KDM4C: variants seen among roughly 807,000 people sequenced by gnomAD.
The protein encoded by KDM4C is lysine demethylase 4C, also known as lysine-specific demethylase 4C.
KDM4C carries 81 observed loss-of-function variants against 129.3 expected under a neutral mutation model. The ratio of observed to expected loss-of-function variants is 0.63; its 90% CI spans 0.52 to 0.75. The LOEUF is 0.75. KDM4C is among the 30% of genes least tolerant of loss of function. The pLI is 0.00. For synonymous variants in KDM4C, 573 were observed against 456.1 expected, an observed-to-expected ratio of 1.26 and a Z score of -3.26; for missense variants, 1,457 against 1,304.0, an observed-to-expected ratio of 1.12 and a Z score of -1.81.
chr9:6,802,494 C>G (rs565430379), intron 2 of KDM4C, among the ~76,000 whole-genome samples: 2,302 of 152,140 alleles, frequency 0.015, 68 homozygotes, highest in African/African-American at 0.052. Flanking sequence ...TTTGCAATAG[C>G]CAATAATTAG....
intron 1 of KDM4C, among the ~76,000 whole-genome samples, chr9:6,784,089 A>G (rs143126667): frequency 5.5e-4 from 84 of 152,226 alleles, no homozygotes; most frequent in African/African-American, 1.9e-3. Flanking sequence ...CAAAGCCAGC[A>G]TGCAGATGTT....
chr9:7,013,982 CT>C lies in KDM4C; in HGVS notation c.2164del (p.Cys722AlafsTer39). On this transcript the variant is annotated frameshift_variant, in exon 14 of 22. Coordinates refer to ENST00000381309, the MANE Select transcript of KDM4C (RefSeq NM_015061.6). LOFTEE classifies it high-confidence loss of function. ...GTCTCCTTATTTCCTGTGCAAAGTG[CT>C]GCGTACGGGTTCATGCAAGTAAATG... ...TSLLISCAKC[C>X]VRVHASCYGI... 1 of 1,613,522 alleles carries C rather than the reference CT, an allele frequency of 6.2e-7. No individual in the cohort carries two copies. Among genetic ancestry groups the C allele is most frequent in the Non-Finnish European group, 8.5e-7 (1 of 1,179,642 alleles).
In KDM4C at chr9:6,758,086, C is replaced by T; in HGVS notation, c.-135C>T. ...GGGTCCTGTGCGCGTGCGCAGCGAACAGCTGTCACCTAGTGCGGAACAAGT... is the reference window on the plus strand; with the variant it reads ...GGGTCCTGTGCGCGTGCGCAGCGAATAGCTGTCACCTAGTGCGGAACAAGT... On this transcript the variant is annotated 5_prime_UTR_variant, in exon 1 of 22. Transcript: ENST00000381309. The surrounding 1 kb of genome is among the most constrained non-coding windows in gnomAD (Gnocchi z 4.6). The T allele has an allele frequency of 1.0e-6, 1 of 985,548 alleles. No homozygotes were observed. Among genetic ancestry groups the T allele is most frequent in the South Asian group, 4.7e-5 (1 of 21,288 alleles). The allele number at this position is 985,548 out of a possible 1,614,324, so 61.1% of individuals were successfully genotyped here.
intron 17 of KDM4C, among the ~76,000 whole-genome samples, chr9:7,061,141 C>T (rs1029979697): frequency 2.0e-5 from 3 of 152,168 alleles, no homozygotes; most frequent in Non-Finnish European, 4.4e-5. Flanking sequence ...CGGTCAGTTG[C>T]ACTATACAGA....
chr9:6,833,030 C>G (rs116872502), intron 4 of KDM4C, among the ~76,000 whole-genome samples: 1 of 152,024 alleles, frequency 6.6e-6, no homozygotes, highest in East Asian at 1.9e-4. Context: ...GCCACTGTGC[C>G]TGGTCGTAAA....
chr9:6,987,884 T>C (rs995414762), intron 11 of KDM4C, among the ~76,000 whole-genome samples: 2 of 151,912 alleles, frequency 1.3e-5, no homozygotes, highest in Non-Finnish European at 2.9e-5. Context: ...TGGCCAAATG[T>C]GGTGGCTTAT....
intron 15 of KDM4C, among the ~76,000 whole-genome samples, chr9:7,039,027 T>C (rs1448564278): frequency 1.3e-5 from 2 of 152,036 alleles, no homozygotes; most frequent in African/African-American, 4.8e-5. Context: ...TTTTATTCTT[T>C]ATGATTTTTA....
At chr9:6,876,542 T>G (rs1027334410) in intron 5 of KDM4C, among the ~76,000 whole-genome samples, 35 of 152,220 alleles carry the variant, frequency 2.3e-4, no homozygotes, top group African/African-American at 8.2e-4. Flanking sequence ...TGAAAATATA[T>G]GCACCTTGCT....
Position 6,771,525 on chromosome 9 carries a change from G to A in KDM4C, c.-18+13322G>A, listed in dbSNP as rs768331881. The stretch of plus-strand genomic sequence containing the variant: ...GGGGTTTCTCCATGTTGGTCAGGCC[G>A]GTCTCGAACTCCTGACCTCAGGTTA... On this transcript the variant is annotated intron_variant, in intron 1 of 21. Coordinates refer to ENST00000381309, the MANE Select transcript of KDM4C (RefSeq NM_015061.6). Among the ~76,000 whole-genome samples, 9 of 151,428 alleles carry A rather than the reference G, an allele frequency of 5.9e-5. 1 individual carries two copies. In the East Asian group the frequency reaches 1.2e-3, roughly 20 times the overall value.
At chr9:6,836,278 C>G (rs1225849280) in intron 4 of KDM4C, among the ~76,000 whole-genome samples, 3 of 152,122 alleles carry the variant, frequency 2.0e-5, no homozygotes, top group Admixed American at 6.6e-5. Flanking sequence ...ACGGTGAAAG[C>G]TCATCTCTAC....
rs141016416 is a variant in KDM4C, at chr9:7,161,918, C to T, written c.2782-3320C>T. ...TTGCTGGCAAACTCAAAATGTGAAA[C>T]AGCTGATGAATTGACACTATTTCTT... On this transcript the variant is annotated intron_variant, in intron 19 of 21. Transcript: ENST00000381309. Among the ~76,000 whole-genome samples the T allele has an allele frequency of 2.1e-3, 320 of 152,312 alleles. 2 individuals carry two copies. Among genetic ancestry groups the T allele is most frequent in the African/African-American group, 7.3e-3 (304 of 41,570 alleles).
chr9:6,776,747 A>T (rs1823147802), intron 1 of KDM4C, among the ~76,000 whole-genome samples: 1 of 151,760 alleles, frequency 6.6e-6, no homozygotes, highest in Non-Finnish European at 1.5e-5. Context: ...GATTATAGGC[A>T]CATACCACCA....
At chr9:7,000,202 G>A (rs540504540) in intron 12 of KDM4C, among the ~76,000 whole-genome samples, 1 of 152,148 alleles carries the variant, frequency 6.6e-6, no homozygotes, top group Non-Finnish European at 1.5e-5. Context: ...GGAAGTCCCA[G>A]TGGCGTTGAT....
At chr9:6,835,156 C>A in intron 4 of KDM4C, 1 of 966,246 alleles carries the variant, frequency 1.0e-6, no homozygotes, top group Non-Finnish European at 1.7e-6. Flanking sequence ...CAGCTCCTCC[C>A]TGGAGAAGAG....
intron 1 of KDM4C, among the ~76,000 whole-genome samples, chr9:6,775,012 AT>A (rs1348691662): frequency 6.6e-6 from 1 of 152,042 alleles, no homozygotes; most frequent in Non-Finnish European, 1.5e-5. Context: ...ATTCATCCAT[AT>A]TTATTTTCTT....
In KDM4C at chr9:6,927,507, G is replaced by A. The variant is rs559455454; in HGVS notation, c.921+34275G>A. ...ATGCTTCTGATCATGTTGACCTGTG[G>A]TGATAATGGAATTGATAATAAGTGA... On this transcript the variant is annotated intron_variant, in intron 8 of 21. Transcript: ENST00000381309. Among the ~76,000 whole-genome samples, 3 of 152,230 alleles carry A rather than the reference G, an allele frequency of 2.0e-5. No homozygotes were observed. In the South Asian group the frequency reaches 6.2e-4, roughly 32 times the overall value.
At chr9:6,755,968 C>A (rs4742259), upstream of KDM4C, among the ~76,000 whole-genome samples, 60,226 of 151,958 alleles carry the variant, frequency 0.4, 12,673 homozygotes, top group African/African-American at 0.54. Flanking sequence ...TAGCAAGGTT[C>A]GTATATCCAC....
At chr9:6,807,790 TGGGG>T (rs752540856) in intron 3 of KDM4C, among the ~76,000 whole-genome samples, 1 of 109,656 alleles carries the variant, frequency 9.1e-6, no homozygotes, top group Non-Finnish European at 1.9e-5. Flanking sequence ...GGGAGGGAGG[TGGGG>T]GGGGGGTCAG....
chr9:6,832,507 G>A (rs1347314354), intron 4 of KDM4C, among the ~76,000 whole-genome samples: 1 of 125,716 alleles, frequency 8.0e-6, no homozygotes, highest in Admixed American at 8.2e-5. Flanking sequence ...CTCACTGCAA[G>A]CTCCGCCTCC....
Sources: allele counts gnomAD v4.1 joint callset (sites outside exome capture counted in the v4.1 genomes callset), GRCh38; gene constraint gnomAD v4.1.1; non-coding constraint Gnocchi (gnomAD v3.1); transcripts MANE v1.5; gene names NCBI Gene and HGNC (gene_info 2026-07-23, HGNC 2026-07-21).